OR2L13: variants seen among roughly 807,000 people sequenced by gnomAD.
OR2L13 encodes the protein olfactory receptor 2L13.
Under a neutral mutation model 15.3 loss-of-function variants are expected in OR2L13, and 14 were observed. The ratio of observed to expected loss-of-function variants is 0.91; its 90% CI spans 0.60 to 1.43. The LOEUF is 1.43. Ranked by LOEUF, OR2L13 falls within the 40% of genes most tolerant of loss-of-function variation. The pLI is 0.00. For synonymous variants in OR2L13, 152 were observed against 142.9 expected, an observed-to-expected ratio of 1.06 and a Z score of -0.45; for missense variants, 367 against 387.9, an observed-to-expected ratio of 0.95 and a Z score of 0.45.
chr1:247,965,272 A>G, the OR2L13 span: 3 of 1,338,868 alleles, frequency 2.2e-6, no homozygotes, highest in African/African-American at 1.5e-5. Flanking sequence ...ATGTAAGTGA[A>G]TATTTATTTC....
the OR2L13 span, among the ~76,000 whole-genome samples, chr1:248,077,181 A>G: frequency 6.6e-6 from 1 of 152,204 alleles, no homozygotes; most frequent in African/African-American, 2.4e-5. Flanking sequence ...CTTGCATCCC[A>G]GGGATGAAGC....
the OR2L13 span, among the ~76,000 whole-genome samples, chr1:247,964,419 G>C: frequency 6.6e-5 from 10 of 152,202 alleles, no homozygotes; most frequent in Middle Eastern, 3.4e-3. Flanking sequence ...AAATTTACTA[G>C]AAAATAACAC....
At chr1:247,945,522 G>T in the OR2L13 span, among the ~76,000 whole-genome samples, 1 of 152,078 alleles carries the variant, frequency 6.6e-6, no homozygotes, top group Non-Finnish European at 1.5e-5. Flanking sequence ...AGGTCCACTT[G>T]GTCTAGAGCT....
chr1:248,022,665 T>C, the OR2L13 span: 9 of 1,614,002 alleles, frequency 5.6e-6, no homozygotes, highest in African/African-American at 1.2e-4. Context: ...CTATTCGACC[T>C]GCAGCACCCA....
chr1:247,949,146 G>A, the OR2L13 span: 3 of 1,613,958 alleles, frequency 1.9e-6, no homozygotes, highest in African/African-American at 2.7e-5. Flanking sequence ...CACTGGGTGT[G>A]GGATTCAGAG....
At chr1:248,067,948 C>T in the OR2L13 span, among the ~76,000 whole-genome samples, 1 of 152,198 alleles carries the variant, frequency 6.6e-6, no homozygotes, top group Non-Finnish European at 1.5e-5. Context: ...GGGGGAGGGG[C>T]GCCCGCCATT....
chr1:248,049,318 G>C, the OR2L13 span, among the ~76,000 whole-genome samples: 1 of 152,172 alleles, frequency 6.6e-6, no homozygotes, highest in Non-Finnish European at 1.5e-5. Flanking sequence ...GGATAGGAAA[G>C]AGATCCATGC....
the OR2L13 span, among the ~76,000 whole-genome samples, chr1:247,987,856 G>T: frequency 6.6e-6 from 1 of 151,464 alleles, no homozygotes; most frequent in African/African-American, 2.4e-5. Context: ...TGCAGCAAGG[G>T]GTTGACAACA....
chr1:248,034,449 C>G, the OR2L13 span, among the ~76,000 whole-genome samples: 10 of 152,098 alleles, frequency 6.6e-5, no homozygotes, highest in Non-Finnish European at 1.0e-4. Flanking sequence ...GATTTTTCGA[C>G]TATTTAAGGT....
the OR2L13 span, among the ~76,000 whole-genome samples, chr1:247,993,092 T>C: frequency 1.3e-4 from 20 of 152,318 alleles, 1 homozygote; most frequent in South Asian, 2.1e-3. Flanking sequence ...TGGTCTCTCA[T>C]TGTGGCTCTG....
chr1:248,030,063 C>T, the OR2L13 span: 31 of 152,084 alleles, frequency 2.0e-4, no homozygotes, highest in African/African-American at 6.7e-4. Flanking sequence ...CTACTGAATT[C>T]CAATGAAGGT....
chr1:247,993,280 T>A, the OR2L13 span, among the ~76,000 whole-genome samples: 3 of 152,200 alleles, frequency 2.0e-5, no homozygotes, highest in Non-Finnish European at 4.4e-5. Context: ...ACATTTAATC[T>A]TTGTCAGATG....
the OR2L13 span, among the ~76,000 whole-genome samples, chr1:248,034,118 C>G: frequency 1.3e-5 from 2 of 152,238 alleles, no homozygotes; most frequent in African/African-American, 4.8e-5. Context: ...TGAGAGAACT[C>G]TATAAGGAAA....
chr1:248,024,376 A>G, the OR2L13 span: 1 of 152,210 alleles, frequency 6.6e-6, no homozygotes, highest in Non-Finnish European at 1.5e-5. Context: ...ATTCAAGGAA[A>G]TATGCATTCA....
the OR2L13 span, among the ~76,000 whole-genome samples, chr1:248,090,102 C>A: frequency 2.6e-5 from 4 of 152,160 alleles, no homozygotes; most frequent in African/African-American, 7.2e-5. Flanking sequence ...GCTCACTTCT[C>A]CTTGCTTGCC....
At chr1:248,021,871 C>A in the OR2L13 span, 3 of 1,192,362 alleles carry the variant, frequency 2.5e-6, no homozygotes, top group Non-Finnish European at 2.4e-6. Flanking sequence ...TGGAATGCAA[C>A]CCCTGCAGAT....
chr1:247,985,635 T>C, the OR2L13 span, among the ~76,000 whole-genome samples: 4 of 152,188 alleles, frequency 2.6e-5, no homozygotes, highest in African/African-American at 7.2e-5. Flanking sequence ...AGTAATGGGA[T>C]TGCTGGGTCA....
the OR2L13 span, chr1:248,084,055 C>A: frequency 2.5e-6 from 4 of 1,611,056 alleles, no homozygotes; most frequent in East Asian, 8.9e-5. Context: ...CGCACCAGCA[C>A]GGGGGCCTCG....
At chr1:247,999,788 C>T in the OR2L13 span, among the ~76,000 whole-genome samples, 2 of 152,072 alleles carry the variant, frequency 1.3e-5, no homozygotes, top group African/African-American at 2.4e-5. Flanking sequence ...CAGGTACAGA[C>T]AGCTTGTTTT....
Sources: gnomAD v4.1 joint callset for allele counts (sites outside exome capture counted in the v4.1 genomes callset) on GRCh38, gnomAD v4.1.1 for gene constraint, MANE v1.5 for transcripts, NCBI Gene and HGNC (gene_info 2026-07-23, HGNC 2026-07-21) for gene names.